FSTL4: variants seen among roughly 807,000 people sequenced by gnomAD.
FSTL4 encodes the protein follistatin-related protein 4.
Under a neutral mutation model 78.2 loss-of-function variants are expected in FSTL4, and 28 were observed. The ratio of observed to expected loss-of-function variants is 0.36; its 90% confidence interval spans 0.27 to 0.49. The LOEUF (loss-of-function observed/expected upper bound fraction) is 0.49. FSTL4 is among the 20% of genes least tolerant of loss of function. The probability of loss-of-function intolerance (pLI) is 0.98; values close to 1 mark genes in which losing one functional copy is unlikely to be tolerated. For missense variants in FSTL4, 922 were observed against 1,084.9 expected, an observed-to-expected ratio of 0.85 and a Z score of 2.11; for synonymous variants, 422 against 440.5, an observed-to-expected ratio of 0.96 and a Z score of 0.53.
At chr5:133,745,591 G>T in the FSTL4 span, among the ~76,000 whole-genome samples, 3 of 152,174 alleles carry the variant, frequency 2.0e-5, no homozygotes, top group African/African-American at 7.2e-5. Flanking sequence ...CTAGATCCTT[G>T]GCAGAAAAGT....
At chr5:133,371,770 G>A (rs970163675) in intron 4 of FSTL4, among the ~76,000 whole-genome samples, 1 of 152,162 alleles carries the variant, frequency 6.6e-6, no homozygotes, top group Non-Finnish European at 1.5e-5. Context: ...ACTGATTTGG[G>A]GCTTGAAAAA....
intron 4 of FSTL4, among the ~76,000 whole-genome samples, chr5:133,346,076 G>A (rs563996120): frequency 1.3e-5 from 2 of 152,160 alleles, no homozygotes; most frequent in Non-Finnish European, 2.9e-5. Flanking sequence ...AAAAGAATGA[G>A]TTCATGTCCT....
At chr5:133,823,599 A>G in the FSTL4 span, among the ~76,000 whole-genome samples, 8 of 152,228 alleles carry the variant, frequency 5.3e-5, no homozygotes, top group Non-Finnish European at 1.2e-4. Flanking sequence ...TGTCCCGGAC[A>G]GAGTGCCCCT....
At chr5:133,317,275 A>G (rs894613578) in intron 4 of FSTL4, among the ~76,000 whole-genome samples, 1 of 152,248 alleles carries the variant, frequency 6.6e-6, no homozygotes, top group Non-Finnish European at 1.5e-5. Context: ...GCTGAACAGC[A>G]TCAGAACCAT....
intron 3 of FSTL4, among the ~76,000 whole-genome samples, chr5:133,411,939 GA>G (rs1227682520): frequency 4.6e-5 from 7 of 151,670 alleles, no homozygotes; most frequent in Non-Finnish European, 8.8e-5. Flanking sequence ...GTGAAAAACG[GA>G]AAAACCACCT....
At chr5:133,623,888 C>G in the FSTL4 span, among the ~76,000 whole-genome samples, 2 of 151,890 alleles carry the variant, frequency 1.3e-5, no homozygotes, top group Middle Eastern at 3.4e-3. Flanking sequence ...CAAATCAAAC[C>G]ACAATGATAT....
chr5:133,387,088 C>T (rs1247346678), intron 4 of FSTL4, among the ~76,000 whole-genome samples: 2 of 152,210 alleles, frequency 1.3e-5, no homozygotes, highest in African/African-American at 4.8e-5. Context: ...GCCATAACAT[C>T]AGCAAAGCTG....
At chr5:133,696,955 G>A in the FSTL4 span, among the ~76,000 whole-genome samples, 1 of 152,206 alleles carries the variant, frequency 6.6e-6, no homozygotes, top group African/African-American at 2.4e-5. Flanking sequence ...TGTAGGAGAG[G>A]AGCCCCAACA....
intron 3 of FSTL4, among the ~76,000 whole-genome samples, chr5:133,501,165 A>G (rs1758487664): frequency 6.6e-6 from 1 of 152,146 alleles, no homozygotes; most frequent in South Asian, 2.1e-4. Context: ...TGAGTGTGCT[A>G]AAGAGTGAGG....
At chr5:133,314,152 C>A (rs1753848762) in intron 5 of FSTL4, among the ~76,000 whole-genome samples, 1 of 152,204 alleles carries the variant, frequency 6.6e-6, no homozygotes, top group Non-Finnish European at 1.5e-5. Flanking sequence ...GCCCTTGGTG[C>A]TCCCTGCTCG....
At chr5:133,634,162 A>G in the FSTL4 span, among the ~76,000 whole-genome samples, 1 of 152,122 alleles carries the variant, frequency 6.6e-6, no homozygotes, top group Admixed American at 6.5e-5. Flanking sequence ...CTATTTGGCC[A>G]TCTCTGACAC....
At chr5:133,289,053 C>T (rs1285649421) in intron 6 of FSTL4, among the ~76,000 whole-genome samples, 1 of 152,134 alleles carries the variant, frequency 6.6e-6, no homozygotes, top group African/African-American at 2.4e-5. Flanking sequence ...AGAGTGTATG[C>T]CCCTCTTTCA....
At chr5:133,683,694 G>T in the FSTL4 span, among the ~76,000 whole-genome samples, 1 of 152,062 alleles carries the variant, frequency 6.6e-6, no homozygotes, top group Non-Finnish European at 1.5e-5. Flanking sequence ...ATATTTTCTG[G>T]ATTGAAAACA....
At chr5:133,614,705 C>A (rs75996725), upstream of FSTL4, among the ~76,000 whole-genome samples, 115 of 152,238 alleles carry the variant, frequency 7.6e-4, no homozygotes, top group African/African-American at 2.7e-3. Flanking sequence ...TCAGAACTTG[C>A]AAGCATACTG....
the FSTL4 span, among the ~76,000 whole-genome samples, chr5:133,645,030 G>A: frequency 2.0e-5 from 3 of 151,908 alleles, no homozygotes; most frequent in Non-Finnish European, 4.4e-5. Flanking sequence ...CCTAATGGTG[G>A]TAATAACTTC....
At chr5:133,240,827 G>A (rs1028617017) in intron 7 of FSTL4, among the ~76,000 whole-genome samples, 3 of 152,190 alleles carry the variant, frequency 2.0e-5, no homozygotes, top group African/African-American at 7.2e-5. Context: ...AGCCCTGAGA[G>A]GAAGGATAGT....
chr5:133,437,649 C>G (rs1317092657), intron 3 of FSTL4, among the ~76,000 whole-genome samples: 1 of 151,840 alleles, frequency 6.6e-6, no homozygotes, highest in Non-Finnish European at 1.5e-5. Context: ...GCCACCACAC[C>G]CGGTTAATTT....
Position 133,199,870 on chromosome 5 carries a change from C to T in FSTL4, c.1827-73G>A, listed in dbSNP as rs142569430. 42 of 707,706 alleles carry T rather than the reference C, an allele frequency of 5.9e-5. No homozygotes were observed. In the Middle Eastern group the frequency reaches 1.3e-3, roughly 22 times the overall value. 43.8% of individuals were successfully genotyped at this position (707,706 alleles called of 1,614,324 possible). A position where few individuals can be genotyped will look rare whatever the true frequency, so the allele number is the denominator to read the frequency against. On this transcript the variant is annotated intron_variant, in intron 15 of 15. Coordinates refer to ENST00000265342, the MANE Select transcript of FSTL4 (RefSeq NM_015082.2). This position sits in a 1 kb window ranked among gnomAD's most constrained non-coding sequence, Gnocchi z 4.4. ...ATCTGTCATTTGTCTTAAACAATTA[C>T]ATCCTCTGCCTTTTCCCTTTATTAT... is the stretch of plus-strand genomic sequence containing the variant.
At chr5:133,519,636 G>A (rs890764689) in intron 3 of FSTL4, among the ~76,000 whole-genome samples, 2 of 152,176 alleles carry the variant, frequency 1.3e-5, no homozygotes, top group South Asian at 2.1e-4. Context: ...TATTTTTCAT[G>A]CAATAACTAC....
Sources: allele counts gnomAD v4.1 joint callset (sites outside exome capture counted in the v4.1 genomes callset), GRCh38; gene constraint gnomAD v4.1.1; non-coding constraint Gnocchi (gnomAD v3.1); transcripts MANE v1.5; gene names NCBI Gene and HGNC (gene_info 2026-07-23, HGNC 2026-07-21).